Variants in KALRN observed in about 807,000 individuals in gnomAD.
KALRN encodes the protein kalirin.
A neutral mutation model predicts 353.7 loss-of-function variants in KALRN; 70 were observed. The observed-to-expected ratio is 0.20, with a 90% CI of 0.16 to 0.24. The LOEUF (loss-of-function observed/expected upper bound fraction) is 0.24, where lower values mean the gene tolerates loss of function less well. KALRN is among the 10% of genes least tolerant of loss of function. The pLI is 1.00. For synonymous variants in KALRN, 1,391 were observed against 1,434.8 expected (o/e 0.97, Z 0.69); for missense variants, 2,791 against 3,756.7 (o/e 0.74, Z 6.72).
intron 33 of KALRN, among the ~76,000 whole-genome samples, chr3:124,516,312 C>G (rs1221889553): frequency 3.3e-5 from 5 of 152,102 alleles, no homozygotes; most frequent in Non-Finnish European, 5.9e-5. Context: ...AGATCTCACC[C>G]CCTCCACTTG....
intron 9 of KALRN, among the ~76,000 whole-genome samples, chr3:124,340,090 T>C (rs750169536): frequency 7.2e-5 from 11 of 152,178 alleles, no homozygotes; most frequent in South Asian, 2.1e-4. Flanking sequence ...ATGAACCCCC[T>C]GTTTACATAG....
At chr3:124,360,380 A>G (rs2083897117) in intron 10 of KALRN, among the ~76,000 whole-genome samples, 1 of 152,250 alleles carries the variant, frequency 6.6e-6, no homozygotes, top group Non-Finnish European at 1.5e-5. Flanking sequence ...TGAGCCTGCC[A>G]TGGGGCCCCA....
chr3:124,650,833 G>A lies in KALRN; in HGVS notation c.5690G>A (p.Gly1897Glu), dbSNP rs1204032635. ...AGTCTAGAAGGAAGCTCATACCGGG[G>A]GAGCTTGAAAGACCCTGCAGGCTGC... ...KLSLEGSSYR[G>E]SLKDPAGCLN... Residue 1897 changes from glycine to glutamate, a missense_variant, in exon 38 of 60, where the codon GGG (glycine) becomes GAG (glutamate). This residue lies in a region of KALRN where 1,065 missense variants were observed against 1,156.4 expected (regional missense o/e 0.92). Transcript: ENST00000682506. 1.2e-6 allele frequency: 2 copies of A among 1,613,790 alleles called. No homozygotes were observed. Among genetic ancestry groups the A allele is most frequent in the Non-Finnish European group, 1.7e-6 (2 of 1,179,678 alleles).
chr3:124,601,499 A>G (rs1193732129), intron 34 of KALRN, among the ~76,000 whole-genome samples: 3 of 152,234 alleles, frequency 2.0e-5, no homozygotes, highest in Non-Finnish European at 4.4e-5. Flanking sequence ...CTGATCTGGT[A>G]GATCCTATGG....
chr3:124,699,161 G>A (rs1358125450), intron 55 of KALRN, among the ~76,000 whole-genome samples: 2 of 152,148 alleles, frequency 1.3e-5, no homozygotes, highest in African/African-American at 4.8e-5. Context: ...TTCTTAAGCT[G>A]TTCACTCTTG....
intron 33 of KALRN, among the ~76,000 whole-genome samples, chr3:124,531,377 A>C (rs2068029661): frequency 6.6e-6 from 1 of 152,164 alleles, no homozygotes; most frequent in Non-Finnish European, 1.5e-5. Flanking sequence ...TACTCAACAG[A>C]TTTGTATATG....
intron 6 of KALRN, among the ~76,000 whole-genome samples, chr3:124,312,992 C>CAAGGA (rs753279238): frequency 1.3e-5 from 2 of 152,208 alleles, no homozygotes; most frequent in Non-Finnish European, 2.9e-5. Context: ...ACCCTGAACA[C>CAAGGA]TATTTGAGCA....
chr3:124,249,274 A>G (rs2070781581), intron 3 of KALRN, among the ~76,000 whole-genome samples: 1 of 152,192 alleles, frequency 6.6e-6, no homozygotes, highest in South Asian at 2.1e-4. Context: ...GGTCTGGTTA[A>G]GGTTTCAGAA....
intron 51 of KALRN, among the ~76,000 whole-genome samples, chr3:124,688,803 G>A (rs1349104171): frequency 6.6e-6 from 1 of 152,192 alleles, no homozygotes; most frequent in Non-Finnish European, 1.5e-5. Context: ...GACATTGGCT[G>A]ACAAGGAAAA....
At chr3:124,268,659 A>T in intron 4 of KALRN, 84 bp from the exon 5 acceptor site, 3 of 1,406,092 alleles carry the variant, frequency 2.1e-6, no homozygotes, top group South Asian at 1.3e-5. Flanking sequence ...ATGTGGATTT[A>T]TCTTGTCCTT....
chr3:124,128,881 T>C (rs2064979275), intron 1 of KALRN, among the ~76,000 whole-genome samples: 2 of 152,108 alleles, frequency 1.3e-5, no homozygotes, highest in African/African-American at 4.8e-5. Flanking sequence ...CATTGTGTGC[T>C]TGTTCCCTGT....
intron 1 of KALRN, among the ~76,000 whole-genome samples, chr3:124,109,264 A>G (rs145796376): frequency 1.9e-4 from 29 of 151,914 alleles, no homozygotes; most frequent in African/African-American, 6.3e-4. Context: ...TGTATAGTCT[A>G]TATTTCTTAT....
intron 1 of KALRN, among the ~76,000 whole-genome samples, chr3:124,218,574 G>T (rs979430316): frequency 6.6e-6 from 1 of 152,196 alleles, no homozygotes; most frequent in African/African-American, 2.4e-5. Context: ...TACCTGTGAT[G>T]TATGAGCACT....
chr3:124,633,399 A>G (rs1193864254), intron 35 of KALRN, among the ~76,000 whole-genome samples: 2 of 152,192 alleles, frequency 1.3e-5, no homozygotes, highest in Non-Finnish European at 2.9e-5. Context: ...ATCCTGCTCT[A>G]ATCACTGATG....
chr3:124,493,695 G>T (rs1251750255), intron 32 of KALRN, among the ~76,000 whole-genome samples: 1 of 152,200 alleles, frequency 6.6e-6, no homozygotes, highest in Non-Finnish European at 1.5e-5. Context: ...CACCAACCAG[G>T]ACAAGCAGGG....
At chr3:124,307,212 T>G (rs2149274373) in intron 6 of KALRN, among the ~76,000 whole-genome samples, 1 of 152,242 alleles carries the variant, frequency 6.6e-6, no homozygotes, top group African/African-American at 2.4e-5. Context: ...AAATGTAATA[T>G]GTTTTCCAGT....
intron 11 of KALRN, among the ~76,000 whole-genome samples, chr3:124,391,581 C>T (rs559865392): frequency 7.2e-5 from 11 of 152,258 alleles, no homozygotes; most frequent in South Asian, 2.1e-4. Context: ...AGCGCTAAAT[C>T]GGAGGGACAT....
At chr3:124,560,911 G>C (rs1412334797) in intron 33 of KALRN, among the ~76,000 whole-genome samples, 2 of 152,154 alleles carry the variant, frequency 1.3e-5, no homozygotes, top group South Asian at 4.1e-4. Context: ...CCCTAACCCA[G>C]GCCTACTGAA....
At chr3:124,094,829 C>T in intron 1 of KALRN, 1 of 1,613,688 alleles carries the variant, frequency 6.2e-7, no homozygotes, top group Admixed American at 1.7e-5. Context: ...AGGATGAGTT[C>T]AGGGTGGGAT....
Sources: allele counts gnomAD v4.1 joint callset (sites outside exome capture counted in the v4.1 genomes callset), GRCh38; gene constraint gnomAD v4.1.1; regional missense constraint gnomAD v4.1.1; transcripts MANE v1.5; gene names NCBI Gene and HGNC (gene_info 2026-07-23, HGNC 2026-07-21).